The following CPO variants were observed in gnomAD, a reference collection of about 807,000 sequenced individuals.
CPO encodes the protein carboxypeptidase O.
CPO carries 43 observed loss-of-function variants against 41.2 expected under a neutral mutation model. The ratio of observed to expected loss-of-function variants is 1.04; its 90% CI spans 0.82 to 1.35. The LOEUF is 1.35. Ranked by LOEUF, CPO falls within the 40% of genes most tolerant of loss-of-function variation. The pLI is 0.00. For synonymous variants in CPO, 178 were observed against 162.7 expected, an observed-to-expected ratio of 1.09 and a Z score of -0.72; for missense variants, 408 against 451.7, an observed-to-expected ratio of 0.90 and a Z score of 0.88.
At chr2:206,960,705 T>C (rs1213509368) in intron 5 of CPO, 147 bp from the exon 6 acceptor site, 1 of 659,906 alleles carries the variant, frequency 1.5e-6, no homozygotes, top group African/African-American at 1.8e-5. Flanking sequence ...GACTAAAAAT[T>C]ACACACACAA....
At chr2:206,955,833 T>A (rs1190250828) in intron 3 of CPO, among the ~76,000 whole-genome samples, 1 of 152,154 alleles carries the variant, frequency 6.6e-6, no homozygotes, top group Non-Finnish European at 1.5e-5. Flanking sequence ...GGCCCAGAAG[T>A]GGACAATGCC....
chr2:206,963,649 T>C (rs1693520394), intron 7 of CPO, among the ~76,000 whole-genome samples: 1 of 152,254 alleles, frequency 6.6e-6, no homozygotes, highest in African/African-American at 2.4e-5. Context: ...AGTTTCCTCA[T>C]GTTGTAGGGT....
chr2:206,962,246 C>A (rs1315323084), intron 6 of CPO, among the ~76,000 whole-genome samples, 166 bp from the exon 7 acceptor site: 1 of 152,048 alleles, frequency 6.6e-6, no homozygotes, highest in Admixed American at 6.5e-5. Context: ...AATGGTTATC[C>A]TTCAGTGACT....
chr2:206,961,026 T>G, intron 6 of CPO, 84 bp downstream of exon 6: 1 of 983,376 alleles, frequency 1.0e-6, no homozygotes, highest in South Asian at 1.3e-5. Flanking sequence ...GTATAATTTT[T>G]GAAAATAACA....
intron 1 of CPO, among the ~76,000 whole-genome samples, chr2:206,948,527 G>A (rs772261628): frequency 1.3e-5 from 2 of 152,184 alleles, no homozygotes; most frequent in Non-Finnish European, 2.9e-5. Flanking sequence ...ACTTTAGGAG[G>A]CTGAGGCAGG....
rs371698491 is a variant in CPO at position 206,969,299 on chromosome 2, T to C, written c.988T>C (p.Cys330Arg). 7.4e-6 allele frequency: 12 copies of C among 1,613,974 alleles called. No individual in the cohort carries two copies. The highest frequency in any genetic ancestry group is 1.1e-5 in the South Asian group (1 of 91,084). ...GCCAGAAGCTCAGATCCAGCCCACCTGTGAGGAGACCATGGAGGCTGTGCT... is the reference window on the plus strand; with the variant it reads ...GCCAGAAGCTCAGATCCAGCCCACCCGTGAGGAGACCATGGAGGCTGTGCT... ...VLPEAQIQPT[C>R]EETMEAVLSV... The change falls in exon 9 of 9, where the codon TGT (cysteine) becomes CGT (arginine). Residue 330 changes from cysteine to arginine, a missense_variant. Physicochemically the swap from Cys to Arg is radical, Grantham distance 180. Transcript: ENST00000272852.
chr2:206,950,393 G>T (rs971446747), intron 2 of CPO, among the ~76,000 whole-genome samples: 1 of 152,072 alleles, frequency 6.6e-6, no homozygotes, highest in Admixed American at 6.6e-5. Flanking sequence ...ACCATCTCAC[G>T]TCTAGAATGG....
chr2:206,952,540 G>T (rs1301050277), intron 2 of CPO, among the ~76,000 whole-genome samples: 1 of 152,148 alleles, frequency 6.6e-6, no homozygotes, highest in Non-Finnish European at 1.5e-5. Flanking sequence ...TTTTCTTATT[G>T]CATTAATTGT....
chr2:206,968,212 T>A (rs1693621268), intron 7 of CPO, 51 bp from the exon 8 acceptor site: 2 of 1,235,784 alleles, frequency 1.6e-6, no homozygotes, highest in Non-Finnish European at 2.4e-6. Flanking sequence ...GGTTGGATTG[T>A]TGGATTTATT....
intron 3 of CPO, among the ~76,000 whole-genome samples, chr2:206,957,213 T>A (rs1472777710): frequency 2.0e-5 from 3 of 151,684 alleles, no homozygotes; most frequent in African/African-American, 7.3e-5. Flanking sequence ...CCGTCTCTAC[T>A]AAAAATAAAT....
intron 1 of CPO, among the ~76,000 whole-genome samples, chr2:206,948,495 G>A (rs146945439): frequency 2.0e-4 from 30 of 152,180 alleles, no homozygotes; most frequent in African/African-American, 3.9e-4. Context: ...CTGGCTCAGC[G>A]GCTCACACTT....
chr2:206,955,606 C>T lies in CPO; in HGVS notation c.267+42C>T, dbSNP rs779936736. 3.8e-6 allele frequency: 4 copies of T among 1,040,384 alleles called. No individual in the cohort carries two copies. The East Asian group carries it at 9.5e-5, about 25-fold the overall frequency. 64.4% of individuals were successfully genotyped at this position (1,040,384 alleles called of 1,614,324 possible). ...AGAATTACCTTACCAGGAGAATTAT[C>T]CAGGAGGATATGTGTTTACTATTCA... is the stretch of plus-strand genomic sequence containing the variant. On this transcript the variant is annotated intron_variant, in intron 3 of 8. Transcript: ENST00000272852.
At chr2:206,967,341 A>C (rs1157327990) in intron 7 of CPO, among the ~76,000 whole-genome samples, 4 of 80,950 alleles carry the variant, frequency 4.9e-5, no homozygotes, top group South Asian at 3.1e-4. Flanking sequence ...CTATATATAT[A>C]TATATATATA....
intron 1 of CPO, among the ~76,000 whole-genome samples, chr2:206,941,816 C>A (rs1168469036): frequency 6.6e-6 from 1 of 151,984 alleles, no homozygotes; most frequent in Non-Finnish European, 1.5e-5. Flanking sequence ...TGTAATATTT[C>A]TCTTGAGCAT....
chr2:206,954,791 A>C (rs559204260), intron 2 of CPO, among the ~76,000 whole-genome samples: 3 of 152,184 alleles, frequency 2.0e-5, no homozygotes, highest in African/African-American at 7.2e-5. Flanking sequence ...GGAAACTTAC[A>C]ATCATGGTGG....
intron 7 of CPO, among the ~76,000 whole-genome samples, chr2:206,967,317 C>A (rs1693591753): frequency 6.8e-6 from 1 of 147,026 alleles, no homozygotes; most frequent in Admixed American, 6.8e-5. Context: ...GGTATGACTT[C>A]CAGCTCTGAA....
At chr2:206,949,575 A>T (rs563424900) in intron 1 of CPO, 42 bp from the exon 2 acceptor site, 9 of 1,433,432 alleles carry the variant, frequency 6.3e-6, no homozygotes, top group African/African-American at 1.4e-5. Flanking sequence ...AGGATATCCC[A>T]GTTTCACCAC....
chr2:206,942,825 G>T (rs909931737), intron 1 of CPO, among the ~76,000 whole-genome samples: 2 of 152,138 alleles, frequency 1.3e-5, no homozygotes, highest in African/African-American at 2.4e-5. Context: ...TATGGTTTAA[G>T]CATTCATTTG....
chr2:206,958,502 T>A, intron 4 of CPO, 97 bp downstream of exon 4: 1 of 650,020 alleles, frequency 1.5e-6, no homozygotes, highest in South Asian at 2.1e-5. Context: ...CACATGTTAG[T>A]GATGCAACTC....
Sources: gnomAD v4.1 joint callset for allele counts (sites outside exome capture counted in the v4.1 genomes callset) on GRCh38, gnomAD v4.1.1 for gene constraint, MANE v1.5 for transcripts, NCBI Gene and HGNC (gene_info 2026-07-23, HGNC 2026-07-21) for gene names.